The following TRIM5 variants were observed in gnomAD, a reference collection of about 807,000 sequenced individuals.
TRIM5 encodes tripartite motif-containing protein 5.
A neutral mutation model predicts 35.6 loss-of-function variants in TRIM5; 31 were observed. The observed-to-expected ratio is 0.87, with a 90% CI of 0.65 to 1.18. TRIM5 has a LOEUF of 1.18. Among genes scored for constraint, TRIM5 ranks in the 50% most tolerant of loss-of-function variants. The pLI is 0.00. For missense variants in TRIM5, 609 were observed against 591.6 expected (o/e 1.03, Z -0.31); for synonymous variants, 243 against 215.6 (o/e 1.13, Z -1.11).
At chr11:5,642,606 G>C in the TRIM5 span, 7 of 1,460,288 alleles carry the variant, frequency 4.8e-6, no homozygotes, top group Admixed American at 2.3e-5. Context: ...CAGAAGAGAG[G>C]AGGGAGGTCA....
chr11:5,622,572 C>T, the TRIM5 span, among the ~76,000 whole-genome samples: 1 of 152,070 alleles, frequency 6.6e-6, no homozygotes, highest in Admixed American at 6.5e-5. Context: ...GAGCCAAGAT[C>T]ATGCCATTGC....
the TRIM5 span, among the ~76,000 whole-genome samples, chr11:5,617,144 T>C: frequency 0.29 from 41,306 of 142,030 alleles, 9,998 homozygotes; most frequent in East Asian, 0.65. Context: ...CTTGAAAACA[T>C]ACTAGTATTT....
chr11:5,613,990 C>G, the TRIM5 span, among the ~76,000 whole-genome samples: 1 of 152,106 alleles, frequency 6.6e-6, no homozygotes, highest in Non-Finnish European at 1.5e-5. Context: ...AAACTAAGTA[C>G]TTGCTGGAAT....
intron 4 of TRIM5, among the ~76,000 whole-genome samples, chr11:5,675,573 C>G (rs373811076): frequency 3.3e-5 from 5 of 151,756 alleles, no homozygotes; most frequent in African/African-American, 4.8e-5. Context: ...AATCTCTGCC[C>G]GAAACACTGA....
At chr11:5,613,529 G>A in the TRIM5 span, among the ~76,000 whole-genome samples, 1 of 152,308 alleles carries the variant, frequency 6.6e-6, no homozygotes, top group South Asian at 2.1e-4. Context: ...GTTTCAATTG[G>A]AAGAGATATA....
the TRIM5 span, chr11:5,605,601 C>A: frequency 6.3e-7 from 1 of 1,578,972 alleles, no homozygotes; most frequent in South Asian, 1.2e-5. Context: ...ATCTGAGAGT[C>A]AAGGAAAAGA....
At chr11:5,609,768 AG>A in the TRIM5 span, among the ~76,000 whole-genome samples, 1 of 152,064 alleles carries the variant, frequency 6.6e-6, no homozygotes, top group Non-Finnish European at 1.5e-5. Flanking sequence ...TAAATATACA[AG>A]AAAATTAGCC....
At chr11:5,676,502 A>C (rs1851992506) in intron 4 of TRIM5, among the ~76,000 whole-genome samples, 1 of 152,228 alleles carries the variant, frequency 6.6e-6, no homozygotes, top group African/African-American at 2.4e-5. Context: ...GGGTAGGAAG[A>C]ATCAATATCG....
the TRIM5 span, chr11:5,612,017 G>C: frequency 6.6e-6 from 1 of 152,064 alleles, no homozygotes. Context: ...TGAGACAATT[G>C]TGTATCATTT....
At chr11:5,614,719 C>T in the TRIM5 span, among the ~76,000 whole-genome samples, 1 of 152,072 alleles carries the variant, frequency 6.6e-6, no homozygotes, top group Non-Finnish European at 1.5e-5. Context: ...TCCCAACAAG[C>T]GAGTGCTTGT....
downstream of TRIM5, among the ~76,000 whole-genome samples, chr11:5,659,291 A>G (rs1350593160): frequency 6.6e-6 from 1 of 152,156 alleles, no homozygotes; most frequent in Non-Finnish European, 1.5e-5. Context: ...CAGGGCACTG[A>G]AGCGAGCCAT....
At chr11:5,650,135 G>A in the TRIM5 span, among the ~76,000 whole-genome samples, 2 of 152,212 alleles carry the variant, frequency 1.3e-5, no homozygotes, top group African/African-American at 4.8e-5. Context: ...AACGTTGTGT[G>A]TATGTAAAGC....
the TRIM5 span, chr11:5,634,736 G>A: frequency 3.1e-6 from 5 of 1,613,740 alleles, no homozygotes; most frequent in Non-Finnish European, 4.2e-6. Context: ...GGAAGAAGAA[G>A]AAAAGAAGAC....
At chr11:5,673,890 T>C (rs1195321887) in intron 4 of TRIM5, among the ~76,000 whole-genome samples, 1 of 151,556 alleles carries the variant, frequency 6.6e-6, no homozygotes, top group Non-Finnish European at 1.5e-5. Context: ...AAAATTAAAA[T>C]GTATGAAATA....
the TRIM5 span, chr11:5,626,567 T>C: frequency 6.6e-6 from 1 of 151,968 alleles, no homozygotes; most frequent in Non-Finnish European, 1.5e-5. Context: ...AAGATGGGAG[T>C]GTGCCTGGAG....
chr11:5,604,700 G>T, the TRIM5 span: 42 of 1,512,744 alleles, frequency 2.8e-5, no homozygotes, highest in African/African-American at 5.2e-4. Flanking sequence ...GAGGGCAAAG[G>T]AGTCCTTGTC....
At chr11:5,597,293 G>A in the TRIM5 span, among the ~76,000 whole-genome samples, 1 of 152,270 alleles carries the variant, frequency 6.6e-6, no homozygotes, top group East Asian at 1.9e-4. Flanking sequence ...ATTTAAACAC[G>A]TAGGAGGCTG....
chr11:5,646,116 T>C, the TRIM5 span, among the ~76,000 whole-genome samples: 1 of 148,558 alleles, frequency 6.7e-6, no homozygotes, highest in African/African-American at 2.5e-5. Flanking sequence ...AATATACATA[T>C]ACACACGTAC....
chr11:5,640,721 G>C, the TRIM5 span, among the ~76,000 whole-genome samples: 1 of 152,036 alleles, frequency 6.6e-6, no homozygotes, highest in Non-Finnish European at 1.5e-5. Context: ...ATGAAGTTTT[G>C]ATATTATTTC....
Sources: gnomAD v4.1 joint callset for allele counts (sites outside exome capture counted in the v4.1 genomes callset) on GRCh38, gnomAD v4.1.1 for gene constraint, MANE v1.5 for transcripts, NCBI Gene and HGNC (gene_info 2026-07-23, HGNC 2026-07-21) for gene names.